Variants in TLN2 observed in about 807,000 individuals in gnomAD.
TLN2 encodes talin 2.
TLN2 carries 118 observed loss-of-function variants against 294.7 expected under a neutral mutation model. The observed-to-expected ratio is 0.40, with a 90% CI of 0.34 to 0.47. The LOEUF is 0.47. Ranked by LOEUF, TLN2 falls within the 20% of genes least tolerant of loss-of-function variation. The pLI is 0.84. For missense variants in TLN2, 3,083 were observed against 3,282.2 expected, an observed-to-expected ratio of 0.94 and a Z score of 1.48; for synonymous variants, 1,431 against 1,304.5, an observed-to-expected ratio of 1.10 and a Z score of -2.09.
At chr15:62,833,852 A>AGCATC in intron 55 of TLN2, 2 of 502,280 alleles carry the variant, frequency 4.0e-6, no homozygotes, top group Non-Finnish European at 6.7e-6. Flanking sequence ...TGTTAAGGAA[A>AGCATC]GCATCCCATT....
At chr15:62,402,925 C>T (rs568536790) in intron 1 of TLN2, among the ~76,000 whole-genome samples, 2 of 152,260 alleles carry the variant, frequency 1.3e-5, no homozygotes, top group East Asian at 1.9e-4. Flanking sequence ...CAGAAACATG[C>T]AGTAGTACCT....
chr15:62,834,062 G>C (rs2069180516), intron 55 of TLN2: 1 of 153,736 alleles, frequency 6.5e-6, no homozygotes, highest in Non-Finnish European at 1.4e-5. Flanking sequence ...CAGCTTCGCA[G>C]TTAGCACTTT....
chr15:62,679,326 T>C (rs891259364), intron 11 of TLN2, among the ~76,000 whole-genome samples: 2 of 152,226 alleles, frequency 1.3e-5, no homozygotes, highest in Admixed American at 6.5e-5. Context: ...CTCACACATA[T>C]GTGTTCACAG....
intron 1 of TLN2, among the ~76,000 whole-genome samples, chr15:62,396,540 T>C (rs1036334463): frequency 3.3e-5 from 5 of 152,170 alleles, no homozygotes; most frequent in Non-Finnish European, 7.3e-5. Context: ...TAGTAGATTA[T>C]ACCTTCAGTG....
chr15:62,499,504 C>T (rs75321167), intron 1 of TLN2, among the ~76,000 whole-genome samples: 1 of 152,268 alleles, frequency 6.6e-6, no homozygotes, highest in East Asian at 1.9e-4. Flanking sequence ...CTCTTTTAAG[C>T]AAACGTATTT....
intron 1 of TLN2, among the ~76,000 whole-genome samples, chr15:62,525,152 T>G (rs926426110): frequency 2.8e-4 from 43 of 152,236 alleles, no homozygotes; most frequent in African/African-American, 1.0e-3. Context: ...GCTGTGTAGC[T>G]GCAGATCTTA....
At chr15:62,622,463 G>C (rs1329333684) in intron 3 of TLN2, among the ~76,000 whole-genome samples, 1 of 152,174 alleles carries the variant, frequency 6.6e-6, no homozygotes, top group Non-Finnish European at 1.5e-5. Flanking sequence ...GGTGGAAACT[G>C]ATGTGTGATC....
At chr15:62,806,301 C>G (rs1263382460) in intron 51 of TLN2, among the ~76,000 whole-genome samples, 2 of 152,338 alleles carry the variant, frequency 1.3e-5, no homozygotes, top group East Asian at 3.9e-4. Context: ...CTTGCTGGCC[C>G]TAATCCTCCC....
At chr15:62,796,604 T>C (rs961732177) in intron 47 of TLN2, among the ~76,000 whole-genome samples, 1 of 152,096 alleles carries the variant, frequency 6.6e-6, no homozygotes, top group African/African-American at 2.4e-5. Context: ...CCCAGCAGGA[T>C]TGGGAATGGC....
At chr15:62,652,265 C>A (rs2052678749) in intron 6 of TLN2, 131 bp downstream of exon 6, 1 of 971,664 alleles carries the variant, frequency 1.0e-6, no homozygotes, top group Non-Finnish European at 1.4e-6. Context: ...TGCCTAATCC[C>A]CAGAGGGTGT....
chr15:62,651,576 G>A (rs1315594071), intron 5 of TLN2, among the ~76,000 whole-genome samples: 1 of 151,840 alleles, frequency 6.6e-6, no homozygotes, highest in Non-Finnish European at 1.5e-5. Flanking sequence ...AAACAAACAA[G>A]AAATAACCTG....
intron 1 of TLN2, among the ~76,000 whole-genome samples, chr15:62,580,428 C>A (rs1302983459): frequency 6.9e-6 from 1 of 145,470 alleles, no homozygotes; most frequent in Non-Finnish European, 1.5e-5. Flanking sequence ...CCCTCCCTTC[C>A]TTCCCATTGT....
chr15:62,646,257 G>A (rs560033088), intron 3 of TLN2, among the ~76,000 whole-genome samples: 19 of 152,022 alleles, frequency 1.2e-4, no homozygotes, highest in Admixed American at 8.5e-4. Context: ...CTGTCTCCCG[G>A]GTTCAAGCGA....
chr15:62,686,501 T>C, intron 11 of TLN2, 140 bp from the exon 12 acceptor site: 1 of 967,430 alleles, frequency 1.0e-6, no homozygotes, highest in Non-Finnish European at 1.5e-6. Flanking sequence ...TCACCTAGCC[T>C]CAAAATCTTG....
chr15:62,714,098 C>T (rs1378631379), intron 22 of TLN2, among the ~76,000 whole-genome samples: 4 of 150,534 alleles, frequency 2.7e-5, no homozygotes, highest in Admixed American at 6.6e-5. Flanking sequence ...AAATCTAGTC[C>T]GTTCCTTATT....
At chr15:62,781,387 C>G in intron 44 of TLN2, 146 bp downstream of exon 44, 2 of 614,884 alleles carry the variant, frequency 3.3e-6, no homozygotes, top group Non-Finnish European at 5.7e-6. Context: ...TGTCCTTTAT[C>G]TGTGGTCTTT....
intron 1 of TLN2, among the ~76,000 whole-genome samples, chr15:62,491,757 C>T (rs1274484873): frequency 1.3e-5 from 2 of 152,132 alleles, no homozygotes; most frequent in Non-Finnish European, 2.9e-5. Flanking sequence ...ATTTTCCTTT[C>T]ACAACTCTTA....
intron 1 of TLN2, among the ~76,000 whole-genome samples, chr15:62,452,798 C>T (rs956979580): frequency 9.2e-5 from 14 of 152,220 alleles, no homozygotes; most frequent in African/African-American, 3.4e-4. Flanking sequence ...TCCTCCTGCT[C>T]CCTTCTGCCT....
At position 62,610,350 on chromosome 15, in the gene TLN2, A is replaced by C. The variant is rs566501756; in HGVS notation, c.-161-8001A>C. 1.5e-4 allele frequency among the ~76,000 whole-genome samples: 23 copies of C among 152,268 alleles called. No homozygotes were observed. The South Asian group carries it at 2.1e-3, about 14-fold the overall frequency. Reference sequence around the variant, plus strand: ...GTTCCTGTAGGATTCTGGTCACAAAATTTTTGTCAGCCAGTCAGTACATAA... The same window carrying C: ...GTTCCTGTAGGATTCTGGTCACAAACTTTTTGTCAGCCAGTCAGTACATAA... On this transcript the variant is annotated intron_variant, in intron 2 of 58. Coordinates refer to ENST00000636159, the MANE Select transcript of TLN2 (RefSeq NM_015059.3).
Sources: gnomAD v4.1 joint callset for allele counts (sites outside exome capture counted in the v4.1 genomes callset) on GRCh38, gnomAD v4.1.1 for gene constraint, MANE v1.5 for transcripts, NCBI Gene and HGNC (gene_info 2026-07-23, HGNC 2026-07-21) for gene names.